The following SRPRB variants were observed in gnomAD, a reference collection of about 807,000 sequenced individuals.
The protein encoded by SRPRB is signal recognition particle receptor subunit beta.
Under a neutral mutation model 31.9 loss-of-function variants are expected in SRPRB, and 20 were observed. That is an observed-to-expected ratio of 0.63 (90% CI 0.44 to 0.91). The LOEUF (loss-of-function observed/expected upper bound fraction) is 0.91, where lower values mean the gene tolerates loss of function less well. SRPRB is among the 40% of genes least tolerant of loss of function. The probability of loss-of-function intolerance (pLI) is 0.00; values close to 1 mark genes in which losing one functional copy is unlikely to be tolerated. For synonymous variants in SRPRB, 146 were observed against 132.8 expected (o/e 1.10, Z -0.68); for missense variants, 321 against 324.9 (o/e 0.99, Z 0.09).
At chr3:133,804,095 CAAAAAA>C (rs1205426598), upstream of SRPRB, among the ~76,000 whole-genome samples, 10 of 58,292 alleles carry the variant, frequency 1.7e-4, no homozygotes, top group African/African-American at 3.1e-4. Flanking sequence ...GACTCTGTCT[CAAAAAA>C]AAAAAAAAAA....
chr3:133,815,700 C>A lies in SRPRB; in HGVS notation c.521C>A (p.Ser174Ter), dbSNP rs1935354102. ...IDSMGLKNTP[S>*]FLIACNKQDI... The stretch of plus-strand genomic sequence containing the variant: ...AGTATGGGTCTGAAGAATACACCAT[C>A]ATTCTTAATAGCCTGCAATAAGCAA... The change falls in exon 5 of 7, where the codon TCA becomes TAA. Residue 174 changes from serine (S) to a stop codon, truncating the protein, a stop_gained. Coordinates refer to ENST00000678299, the MANE Select transcript of SRPRB (RefSeq NM_001379313.1). LOFTEE classifies it high-confidence loss of function. 6.2e-7 allele frequency: 1 copy of A among 1,613,956 alleles called. No individual in the cohort carries two copies. The highest frequency in any genetic ancestry group is 8.5e-7 in the Non-Finnish European group (1 of 1,179,938).
upstream of SRPRB, among the ~76,000 whole-genome samples, chr3:133,804,020 C>A (rs1350484447): frequency 7.7e-6 from 1 of 130,174 alleles, no homozygotes. Context: ...GGCGTGAACC[C>A]GGGAGGCGGA....
rs1438342921 is a variant in SRPRB at position 133,821,442 on chromosome 3, T to C, written c.*1676T>C. The C allele has an allele frequency of 1.3e-5, 2 of 152,196 alleles. No homozygotes were observed. The highest frequency in any genetic ancestry group is 4.8e-5 in the African/African-American group (2 of 41,448). The allele number at this position is 152,196 out of a possible 1,614,324, so 9.4% of individuals were successfully genotyped here. ...AATGTGACATGTTATGTCATCATAG[T>C]AGGAGCTCATGGGAATAAAAGTCAG... On this transcript the variant is annotated 3_prime_UTR_variant, in exon 7 of 7. Coordinates refer to ENST00000678299, the MANE Select transcript of SRPRB (RefSeq NM_001379313.1).
Position 133,815,635 on chromosome 3 carries a change from G to C in SRPRB, c.456G>C (p.Val152=). 15 of 1,613,992 alleles carry C rather than the reference G, an allele frequency of 9.3e-6. No homozygotes were observed. Among genetic ancestry groups the C allele is most frequent in the Non-Finnish European group, 1.3e-5 (15 of 1,180,024 alleles). ...ATAGTGCAGCATTCCAGCGAGAGGT[G>C]AAAGATGTGGCTGAGTTTCTGTATC... The part of the protein sequence containing the change: ...VVDSAAFQRE[V]KDVAEFLYQV... Residue 152 remains valine, a synonymous_variant, in exon 5 of 7, where the codon GTG becomes GTC. Coordinates refer to ENST00000678299, the MANE Select transcript of SRPRB (RefSeq NM_001379313.1).
upstream of SRPRB, among the ~76,000 whole-genome samples, chr3:133,802,168 G>A (rs1237131410): frequency 6.6e-6 from 1 of 152,202 alleles, no homozygotes; most frequent in Non-Finnish European, 1.5e-5. Flanking sequence ...ACTCTGGGGG[G>A]CTGAAGCAGG....
At chr3:133,784,302 G>C (rs377471395) in intron 1 of SRPRB, 4 of 152,162 alleles carry the variant, frequency 2.6e-5, no homozygotes, top group East Asian at 1.9e-4. Flanking sequence ...AAGATTACTG[G>C]CTGTTTATAG....
chr3:133,821,897 G>C (rs1270761688), downstream of SRPRB, among the ~76,000 whole-genome samples: 2 of 152,184 alleles, frequency 1.3e-5, no homozygotes, highest in Non-Finnish European at 2.9e-5. Flanking sequence ...TTTTCTGACA[G>C]GGTCAAGTCA....
At chr3:133,806,485 A>G in intron 1 of SRPRB, 124 bp from the exon 2 acceptor site, 1 of 708,232 alleles carries the variant, frequency 1.4e-6, no homozygotes, top group South Asian at 1.8e-5. Context: ...CATTATGATA[A>G]AAGTCAGTTC....
chr3:133,785,024 C>T (rs571839782), intron 1 of SRPRB: 1 of 78,478 alleles, frequency 1.3e-5, no homozygotes, highest in Admixed American at 1.6e-4. Flanking sequence ...CCCGGCCAGC[C>T]GCCCCGTCTG....
intron 4 of SRPRB, 125 bp from the exon 5 acceptor site, chr3:133,815,465 C>G: frequency 1.8e-6 from 2 of 1,096,508 alleles, no homozygotes; most frequent in Non-Finnish European, 2.7e-6. Context: ...ATGCACAGAC[C>G]TGCATGTGTG....
chr3:133,794,701 C>T (rs1934923796), intron 1 of SRPRB: 1 of 152,186 alleles, frequency 6.6e-6, no homozygotes, highest in Admixed American at 6.5e-5. Flanking sequence ...GAACTGTACA[C>T]CCATTGGAAC....
At chr3:133,788,871 A>G (rs1934758962) in intron 1 of SRPRB, 1 of 152,264 alleles carries the variant, frequency 6.6e-6, no homozygotes, top group South Asian at 2.1e-4. Context: ...GGACAAAAGA[A>G]GCCTACTCAG....
intron 1 of SRPRB, among the ~76,000 whole-genome samples, chr3:133,806,381 C>A (rs1935159013): frequency 1.3e-5 from 2 of 152,186 alleles, no homozygotes; most frequent in South Asian, 4.1e-4. Flanking sequence ...AGTGAGATAG[C>A]ACCTGAGTCC....
At chr3:133,787,182 T>A (rs751919223) in intron 1 of SRPRB, 12 of 152,258 alleles carry the variant, frequency 7.9e-5, no homozygotes, top group Non-Finnish European at 1.3e-4. Context: ...GGTCTCTAGA[T>A]GTTTAAGAAG....
intron 1 of SRPRB, chr3:133,795,054 G>A (rs568824150): frequency 1.2e-4 from 19 of 152,302 alleles, no homozygotes; most frequent in African/African-American, 4.3e-4. Flanking sequence ...ATTATCTTAA[G>A]AAAGTTATGC....
At position 133,819,918 on chromosome 3, in the gene SRPRB, A is replaced by ATTT; in HGVS notation, c.*170_*172dup. ...AAAGTACTGTTGAAACCAGCTTGGA[A>ATTT]TTTTTTTTTTTTTTTTTTTTAAGTT... On this transcript the variant is annotated 3_prime_UTR_variant, in exon 7 of 7. Coordinates refer to ENST00000678299, the MANE Select transcript of SRPRB (RefSeq NM_001379313.1). 2.0e-5 allele frequency: 11 copies of ATTT among 542,388 alleles called. No homozygotes were observed. Among genetic ancestry groups the ATTT allele is most frequent in the South Asian group, 2.4e-5 (1 of 41,758 alleles). The allele number at this position is 542,388 out of a possible 1,614,324, so 33.6% of individuals were successfully genotyped here. A position where few individuals can be genotyped will look rare whatever the true frequency, so the allele number is the denominator to read the frequency against.
At chr3:133,801,328 C>T (rs1935058259), upstream of SRPRB, among the ~76,000 whole-genome samples, 5 of 152,194 alleles carry the variant, frequency 3.3e-5, no homozygotes, top group Admixed American at 2.6e-4. Flanking sequence ...CATGTCCTTC[C>T]TCTGCATTCG....
intron 2 of SRPRB, among the ~76,000 whole-genome samples, chr3:133,807,374 C>T (rs776786580): frequency 1.1e-4 from 16 of 151,498 alleles, no homozygotes; most frequent in Non-Finnish European, 1.9e-4. Flanking sequence ...CCACCTCAGC[C>T]TCCGAGTAGC....
intron 4 of SRPRB, among the ~76,000 whole-genome samples, chr3:133,812,258 T>G (rs1399211900): frequency 6.6e-6 from 1 of 152,238 alleles, no homozygotes; most frequent in Non-Finnish European, 1.5e-5. Context: ...ATTGAAGATG[T>G]CTAGACTGAA....
Sources: allele counts gnomAD v4.1 joint callset (sites outside exome capture counted in the v4.1 genomes callset), GRCh38; gene constraint gnomAD v4.1.1; transcripts MANE v1.5; gene names NCBI Gene and HGNC (gene_info 2026-07-23, HGNC 2026-07-21).